The following TMEM38B variants were observed in gnomAD, a reference collection of about 807,000 sequenced individuals.
TMEM38B encodes trimeric intracellular cation channel type B.
Under a neutral mutation model 28.7 loss-of-function variants are expected in TMEM38B, and 24 were observed. That is an observed-to-expected ratio of 0.84 (90% CI 0.61 to 1.18). TMEM38B has a LOEUF of 1.18. TMEM38B is among the 50% of genes most tolerant of loss of function. The pLI is 0.00. For synonymous variants in TMEM38B, 131 were observed against 127.7 expected (o/e 1.03, Z -0.17); for missense variants, 380 against 350.9 (o/e 1.08, Z -0.66).
intron 2 of TMEM38B, among the ~76,000 whole-genome samples, chr9:105,719,408 G>C (rs1178086562): frequency 1.3e-5 from 2 of 152,104 alleles, no homozygotes; most frequent in Non-Finnish European, 2.9e-5. Context: ...TTACAGAAGG[G>C]TTACAAGGTT....
rs573844260 is a variant in TMEM38B, at chr9:105,775,464, A to G, written c.*1384A>G. ...ATTTTCGATGGTTTAGAAGTACTCAAGTCACATCACATTCAAGTTAGAAGT... is the reference window on the plus strand; with the variant it reads ...ATTTTCGATGGTTTAGAAGTACTCAGGTCACATCACATTCAAGTTAGAAGT... On this transcript the variant is annotated 3_prime_UTR_variant, in exon 6 of 6. Transcript: ENST00000374692. 6.6e-6 allele frequency: 1 copy of G among 152,222 alleles called. No individual in the cohort carries two copies. Among genetic ancestry groups the G allele is most frequent in the Non-Finnish European group, 1.5e-5 (1 of 67,980 alleles). 9.4% of individuals were successfully genotyped at this position (152,222 alleles called of 1,614,324 possible). A position where few individuals can be genotyped will look rare whatever the true frequency, so the allele number is the denominator to read the frequency against.
intron 4 of TMEM38B, among the ~76,000 whole-genome samples, chr9:105,736,517 T>C (rs966665463): frequency 5.3e-5 from 8 of 152,246 alleles, no homozygotes; most frequent in Non-Finnish European, 1.0e-4. Context: ...CCTGGTTTTG[T>C]TGAATTATCT....
At chr9:105,699,826 A>G (rs1835406102) in intron 1 of TMEM38B, among the ~76,000 whole-genome samples, 1 of 152,114 alleles carries the variant, frequency 6.6e-6, no homozygotes, top group African/African-American at 2.4e-5. Context: ...TTGGGCTGAT[A>G]GTATAAGTTT....
rs375906068 is a variant in TMEM38B at position 105,733,157 on chromosome 9, T to C, written c.542+10536T>C. The stretch of plus-strand genomic sequence containing the variant: ...CTGAGAAGTGTTTTGCTTCCAGTTA[T>C]GTGGTCAATTTTAGAATAAGTGCGA... On this transcript the variant is annotated intron_variant, in intron 4 of 5. Transcript: ENST00000374692. 5.9e-5 allele frequency among the ~76,000 whole-genome samples: 9 copies of C among 152,286 alleles called. No individual in the cohort carries two copies. In the East Asian group the frequency reaches 1.2e-3, roughly 20 times the overall value.
intron 4 of TMEM38B, among the ~76,000 whole-genome samples, chr9:105,734,959 C>T (rs528198524): frequency 6.6e-6 from 1 of 151,834 alleles, no homozygotes; most frequent in East Asian, 1.9e-4. Context: ...TTTCTCCTGC[C>T]ATTTTGTTAA....
At position 105,776,476 on chromosome 9, in the gene TMEM38B, A is replaced by C. The variant is rs1826721848; in HGVS notation, c.*2396A>C. Reference sequence around the variant, plus strand: ...GTATTTTTTTTTTGTCTATTCCTTAAAGCCCAGACACCTTTCCATTAAAAT... The same window carrying C: ...GTATTTTTTTTTTGTCTATTCCTTACAGCCCAGACACCTTTCCATTAAAAT... On this transcript the variant is annotated 3_prime_UTR_variant, in exon 6 of 6. Coordinates refer to ENST00000374692, the MANE Select transcript of TMEM38B (RefSeq NM_018112.3). The C allele has an allele frequency of 6.6e-6, 1 of 152,102 alleles. No individual in the cohort carries two copies. Among genetic ancestry groups the C allele is most frequent in the South Asian group, 2.1e-4 (1 of 4,822 alleles). The allele number at this position is 152,102 out of a possible 1,614,324, so 9.4% of individuals were successfully genotyped here.
intron 2 of TMEM38B, among the ~76,000 whole-genome samples, chr9:105,709,254 ATT>A: frequency 6.6e-6 from 1 of 152,318 alleles, no homozygotes; most frequent in African/African-American, 2.4e-5. Context: ...TGAGTAAACA[ATT>A]TAATATAACT....
chr9:105,737,433 A>T (rs1184755212), intron 4 of TMEM38B, among the ~76,000 whole-genome samples: 1 of 152,114 alleles, frequency 6.6e-6, no homozygotes, highest in Non-Finnish European at 1.5e-5. Flanking sequence ...CTGGGCTGGT[A>T]GTATATGGCA....
intron 5 of TMEM38B, among the ~76,000 whole-genome samples, chr9:105,753,394 A>C (rs1454162568): frequency 6.6e-6 from 1 of 152,146 alleles, no homozygotes; most frequent in Non-Finnish European, 1.5e-5. Context: ...ATGAAAGAAA[A>C]AATGTTAAGG....
At chr9:105,727,409 A>G (rs368544833) in intron 4 of TMEM38B, among the ~76,000 whole-genome samples, 16 of 152,288 alleles carry the variant, frequency 1.1e-4, no homozygotes, top group African/African-American at 3.8e-4. Flanking sequence ...TTATAAGGCT[A>G]AATAGTATTC....
chr9:105,707,870 T>G (rs1376426760), intron 2 of TMEM38B, among the ~76,000 whole-genome samples: 1 of 152,202 alleles, frequency 6.6e-6, no homozygotes, highest in African/African-American at 2.4e-5. Context: ...TTCCAGTTGC[T>G]ATGTGTTTTA....
intron 4 of TMEM38B, among the ~76,000 whole-genome samples, chr9:105,723,673 AG>A (rs530197265): frequency 1.3e-5 from 2 of 152,202 alleles, no homozygotes; most frequent in East Asian, 3.9e-4. Flanking sequence ...CTGGGATTAC[AG>A]ATGTGAAGCA....
At chr9:105,721,919 G>C (rs1024995374) in intron 3 of TMEM38B, among the ~76,000 whole-genome samples, 198 bp downstream of exon 3, 1 of 152,112 alleles carries the variant, frequency 6.6e-6, no homozygotes, top group African/African-American at 2.4e-5. Context: ...TTTTGAGCCT[G>C]AGTGTCTTAT....
At chr9:105,765,237 TA>T (rs1199777714) in intron 5 of TMEM38B, among the ~76,000 whole-genome samples, 4 of 152,338 alleles carry the variant, frequency 2.6e-5, no homozygotes, top group African/African-American at 7.2e-5. Context: ...AGTTACAATT[TA>T]AAAAATGCTT....
Position 105,775,528 on chromosome 9 carries a change from A to G in TMEM38B, c.*1448A>G, listed in dbSNP as rs1826697841. 6.6e-6 allele frequency: 1 copy of G among 152,088 alleles called. No individual in the cohort carries two copies. Among genetic ancestry groups the G allele is most frequent in the African/African-American group, 2.4e-5 (1 of 41,450 alleles). The allele number at this position is 152,088 out of a possible 1,614,324, so 9.4% of individuals were successfully genotyped here. On this transcript the variant is annotated 3_prime_UTR_variant, in exon 6 of 6. Transcript: ENST00000374692. ...TTGTTATTTTAAATTTTTAACAAAT[A>G]TAAACACCAGCAGATACTATTACTT...
At position 105,748,969 on chromosome 9, in the gene TMEM38B, G is replaced by A. The variant is rs1374047918; in HGVS notation, c.660+779G>A. 4.5e-6 allele frequency: 4 copies of A among 883,036 alleles called. No homozygotes were observed. The African/African-American group carries it at 7.2e-5, about 16-fold the overall frequency. The allele number at this position is 883,036 out of a possible 1,614,324, so 54.7% of individuals were successfully genotyped here. ...CTCTGTTTTAGACTAGATATTTTTG[G>A]CTAAAAACTTATCTACAGGATTTTT... On this transcript the variant is annotated intron_variant, in intron 5 of 5. Transcript: ENST00000374692.
At chr9:105,698,050 A>G (rs1343632342) in intron 1 of TMEM38B, among the ~76,000 whole-genome samples, 1 of 148,370 alleles carries the variant, frequency 6.7e-6, no homozygotes, top group Non-Finnish European at 1.5e-5. Flanking sequence ...GACCTTTACT[A>G]AGATCATCCC....
intron 3 of TMEM38B, 100 bp downstream of exon 3, chr9:105,721,821 T>C: frequency 1.1e-6 from 1 of 915,578 alleles, no homozygotes; most frequent in Non-Finnish European, 1.5e-6. Flanking sequence ...TCACATACTT[T>C]AATAACAGAG....
chr9:105,731,114 A>G (rs1271596563), intron 4 of TMEM38B, among the ~76,000 whole-genome samples: 4 of 151,754 alleles, frequency 2.6e-5, no homozygotes, highest in Non-Finnish European at 5.9e-5. Context: ...TAGCTTTTGA[A>G]TGTGTTTGCT....
Sources: gnomAD v4.1 joint callset for allele counts (sites outside exome capture counted in the v4.1 genomes callset) on GRCh38, gnomAD v4.1.1 for gene constraint, MANE v1.5 for transcripts, NCBI Gene and HGNC (gene_info 2026-07-23, HGNC 2026-07-21) for gene names.